The following PLAGL1 variants were observed in gnomAD, a reference collection of about 807,000 sequenced individuals.
The protein encoded by PLAGL1 is PLAG1 like zinc finger 1, also known as zinc finger protein PLAGL1.
In PLAGL1, 1 loss-of-function variant was observed where a neutral mutation model predicts 4.6. The ratio of observed to expected loss-of-function variants is 0.22; its 90% CI spans 0.08 to 1.03. The LOEUF (loss-of-function observed/expected upper bound fraction) is 1.03. PLAGL1 is among the 50% of genes least tolerant of loss of function. The probability of loss-of-function intolerance (pLI) is 0.58; values close to 1 mark genes in which losing one functional copy is unlikely to be tolerated. For synonymous variants in PLAGL1, 240 were observed against 237.8 expected, an observed-to-expected ratio of 1.01 and a Z score of -0.08; for missense variants, 464 against 570.4, an observed-to-expected ratio of 0.81 and a Z score of 1.90.
chr6:143,944,086 G>A (rs560414016), intron 7 of PLAGL1, among the ~76,000 whole-genome samples: 30 of 152,234 alleles, frequency 2.0e-4, no homozygotes, highest in South Asian at 6.2e-4. Context: ...GTTTTGTCAC[G>A]AGAGGTTAAA....
intron 1 of PLAGL1, among the ~76,000 whole-genome samples, chr6:144,045,175 C>A (rs942391905): frequency 2.6e-5 from 4 of 151,876 alleles, no homozygotes; most frequent in African/African-American, 9.7e-5. Flanking sequence ...GGAATTTAGC[C>A]CATTTACATT....
At position 143,966,037 on chromosome 6, in the gene PLAGL1, A is replaced by G. The variant is rs1429188245; in HGVS notation, c.-431+121T>C. On this transcript the variant is annotated intron_variant, in intron 4 of 7. Transcript: ENST00000674357. The surrounding 1 kb of genome is among the most constrained non-coding windows in gnomAD (Gnocchi z 6.0). ...GGTCAGTGTAGAGAGATATTTCCGC[A>G]TGCTAGAGGCAGATCCATATTGGTT... The G allele has an allele frequency of 6.6e-6, 1 of 152,212 alleles. No homozygotes were observed. Among genetic ancestry groups the G allele is most frequent in the African/African-American group, 2.4e-5 (1 of 41,442 alleles). 9.4% of individuals were successfully genotyped at this position (152,212 alleles called of 1,614,324 possible). A position where few individuals can be genotyped will look rare whatever the true frequency, so the allele number is the denominator to read the frequency against.
chr6:143,991,691 C>T (rs1199953040), intron 1 of PLAGL1, among the ~76,000 whole-genome samples: 2 of 152,220 alleles, frequency 1.3e-5, no homozygotes, highest in Non-Finnish European at 2.9e-5. Context: ...CCCAGGCCTA[C>T]ACTCCCTCTC....
At position 143,942,135 on chromosome 6, in the gene PLAGL1, G is replaced by A; in HGVS notation, c.681C>T (p.Thr227=). 1 of 1,614,160 alleles carries A rather than the reference G, an allele frequency of 6.2e-7. No individual in the cohort carries two copies. The highest frequency in any genetic ancestry group is 8.5e-7 in the Non-Finnish European group (1 of 1,180,010). The change falls in exon 8 of 8, where the codon ACC becomes ACT. Residue 227 remains threonine (T), a synonymous_variant. Coordinates refer to ENST00000674357, the MANE Select transcript of PLAGL1 (RefSeq NM_001317162.2). This position sits in a 1 kb window ranked among gnomAD's most constrained non-coding sequence, Gnocchi z 7.6. ...QTGDLLSTFH[T]ISPSFQLKAA... is the part of the protein sequence containing the mutation. The stretch of plus-strand genomic sequence containing the variant: ...CCTTCAGTTGGAATGAAGGCGAGAT[G>A]GTGTGGAAGGTGCTCAGAAGGTCTC...
chr6:143,941,687 A>G lies in PLAGL1; in HGVS notation c.1129T>C (p.Ser377Pro). Residue 377 changes from serine (S) to proline (P), a missense_variant, in exon 8 of 8, where the codon TCT (serine) becomes CCT (proline). This residue lies in a region of PLAGL1 where 248 missense variants were observed against 250.1 expected (regional missense o/e 0.99). Transcript: ENST00000674357. The surrounding 1 kb of genome is among the most constrained non-coding windows in gnomAD (Gnocchi z 6.0). ...CCCAACAGGGGGGACAGGTCCAGAG[A>G]GGCAGGTATTGTTAGGTTCACAGCA... is the stretch of plus-strand genomic sequence containing the variant. ...ADAVNLTIPA[S>P]LDLSPLLGFW... 6.2e-7 allele frequency: 1 copy of G among 1,614,220 alleles called. No individual in the cohort carries two copies. Among genetic ancestry groups the G allele is most frequent in the Non-Finnish European group, 8.5e-7 (1 of 1,180,032 alleles).
At position 144,002,064 on chromosome 6, in the gene PLAGL1, T is replaced by A. The variant is rs117000910; in HGVS notation, c.-584+6026A>T. 2.0e-3 allele frequency among the ~76,000 whole-genome samples: 298 copies of A among 152,306 alleles called. 4 individuals carry two copies. The highest frequency in any genetic ancestry group is 0.015 in the East Asian group (76 of 5,190). On this transcript the variant is annotated intron_variant, in intron 1 of 7. Transcript: ENST00000674357. ...GTGTATAGTTTCATTAATACTATTG[T>A]GCCAATGTTAATTTCTTAACTTTGG...
Position 143,982,414 on chromosome 6 carries a change from A to G in PLAGL1, c.-544+2721T>C, listed in dbSNP as rs1429145470. 6.6e-6 allele frequency among the ~76,000 whole-genome samples: 1 copy of G among 152,186 alleles called. No homozygotes were observed. Among genetic ancestry groups the G allele is most frequent in the African/African-American group, 2.4e-5 (1 of 41,456 alleles). ...GGGAAGCGGTAAAAGATTAGGCCAGAAGTAATGGGACCCATAGCACATAGG... is the reference window on the plus strand; with the variant it reads ...GGGAAGCGGTAAAAGATTAGGCCAGGAGTAATGGGACCCATAGCACATAGG... On this transcript the variant is annotated intron_variant, in intron 2 of 7. Coordinates refer to ENST00000674357, the MANE Select transcript of PLAGL1 (RefSeq NM_001317162.2). This position sits in a 1 kb window ranked among gnomAD's most constrained non-coding sequence, Gnocchi z 5.3.
rs1346451322 is a variant in PLAGL1, at chr6:143,957,058, G to A, written c.-325+3411C>T. Among the ~76,000 whole-genome samples, 2 of 152,206 alleles carry A rather than the reference G, an allele frequency of 1.3e-5. No homozygotes were observed. Among genetic ancestry groups the A allele is most frequent in the Non-Finnish European group, 1.5e-5 (1 of 68,036 alleles). On this transcript the variant is annotated intron_variant, in intron 6 of 7. Transcript: ENST00000674357. This position sits in a 1 kb window ranked among gnomAD's most constrained non-coding sequence, Gnocchi z 4.2. ...CAGTATAGTACCCACCAGGGGGAAC[G>A]GAGGAAAAGAAATATTGTTGCAGAC...
chr6:143,983,427 T>C lies in PLAGL1; in HGVS notation c.-544+1708A>G, dbSNP rs562731128. Among the ~76,000 whole-genome samples, 45 of 152,238 alleles carry C rather than the reference T, an allele frequency of 3.0e-4. No individual in the cohort carries two copies. In the South Asian group the frequency reaches 9.3e-3, roughly 32 times the overall value. On this transcript the variant is annotated intron_variant, in intron 2 of 7. Coordinates refer to ENST00000674357, the MANE Select transcript of PLAGL1 (RefSeq NM_001317162.2). This position sits in a 1 kb window ranked among gnomAD's most constrained non-coding sequence, Gnocchi z 6.6. ...AAAGCAGGGAGGTGGGAATGCATGA[T>C]GCAGGAGAGAGAAGGGACAACTACT...
At position 143,983,095 on chromosome 6, in the gene PLAGL1, T is replaced by A. The variant is rs11155338; in HGVS notation, c.-544+2040A>T. Among the ~76,000 whole-genome samples, 80,488 of 151,962 alleles carry A rather than the reference T, an allele frequency of 0.53. 22,931 individuals are homozygous for A. The highest frequency in any genetic ancestry group is 0.72 in the East Asian group (3,733 of 5,170). ...TTTGGAGGTCAGGACAATGAGGATG[T>A]AACTGCAAGAAAGATAAGAGTAGTC... On this transcript the variant is annotated intron_variant, in intron 2 of 7. Coordinates refer to ENST00000674357, the MANE Select transcript of PLAGL1 (RefSeq NM_001317162.2). This position sits in a 1 kb window ranked among gnomAD's most constrained non-coding sequence, Gnocchi z 6.6.
rs1289454639 is a variant in PLAGL1 at position 143,954,658 on chromosome 6, TTCA to T, written c.-325+5808_-325+5810del. ...AACTAACAAAACAGAGTATACTATC[TTCA>T]TCACATGACAAAGTTACCTATTATC... is the stretch of plus-strand genomic sequence containing the variant. On this transcript the variant is annotated intron_variant, in intron 6 of 7. Coordinates refer to ENST00000674357, the MANE Select transcript of PLAGL1 (RefSeq NM_001317162.2). The surrounding 1 kb of genome is among the most constrained non-coding windows in gnomAD (Gnocchi z 5.1). Among the ~76,000 whole-genome samples, 1 of 152,230 alleles carries T rather than the reference TTCA, an allele frequency of 6.6e-6. No homozygotes were observed. Among genetic ancestry groups the T allele is most frequent in the Non-Finnish European group, 1.5e-5 (1 of 68,042 alleles).
intron 1 of PLAGL1, among the ~76,000 whole-genome samples, chr6:144,014,408 G>A (rs1037494281): frequency 1.3e-5 from 2 of 151,850 alleles, no homozygotes; most frequent in Admixed American, 1.3e-4. Context: ...CAGCCTAGGC[G>A]ACAGAGCAAG....
At chr6:143,974,452 G>T (rs1278499403) in intron 2 of PLAGL1, among the ~76,000 whole-genome samples, 1 of 151,780 alleles carries the variant, frequency 6.6e-6, no homozygotes, top group African/African-American at 2.4e-5. Context: ...ACTCACCTTG[G>T]ACTGTCAAAG....
chr6:143,959,340 G>A lies in PLAGL1; in HGVS notation c.-325+1129C>T, dbSNP rs985749784. 2.0e-5 allele frequency among the ~76,000 whole-genome samples: 3 copies of A among 152,094 alleles called. No homozygotes were observed. Among genetic ancestry groups the A allele is most frequent in the African/African-American group, 7.2e-5 (3 of 41,404 alleles). On this transcript the variant is annotated intron_variant, in intron 6 of 7. Transcript: ENST00000674357. The surrounding 1 kb of genome is among the most constrained non-coding windows in gnomAD (Gnocchi z 5.3). ...GGACTCGCCACTGAATACTTCGGCA[G>A]ACACATTCCAGGATCTTCCTGGCTA... is the stretch of plus-strand genomic sequence containing the variant.
rs544025687 is a variant in PLAGL1, at chr6:143,947,312, C to T, written c.152+673G>A. On this transcript the variant is annotated intron_variant, in intron 7 of 7. Transcript: ENST00000674357. This position sits in a 1 kb window ranked among gnomAD's most constrained non-coding sequence, Gnocchi z 4.3. ...CTGGATCAGCCCCCACATTTCATCC[C>T]TGGACTCTGAGAGCAGGTTTCAAAT... is the stretch of plus-strand genomic sequence containing the variant. 5.9e-5 allele frequency among the ~76,000 whole-genome samples: 9 copies of T among 152,342 alleles called. 1 individual carries two copies. In the South Asian group the frequency reaches 1.7e-3, roughly 28 times the overall value.
At chr6:143,998,365 G>A (rs1272052903) in intron 1 of PLAGL1, among the ~76,000 whole-genome samples, 1 of 152,176 alleles carries the variant, frequency 6.6e-6, no homozygotes, top group African/African-American at 2.4e-5. Flanking sequence ...GGGCAGTATG[G>A]CATAGAAGAA....
rs1782610499 is a variant in PLAGL1 at position 143,958,348 on chromosome 6, T to C, written c.-325+2121A>G. Among the ~76,000 whole-genome samples the C allele has an allele frequency of 6.6e-6, 1 of 152,200 alleles. No homozygotes were observed. Among genetic ancestry groups the C allele is most frequent in the Non-Finnish European group, 1.5e-5 (1 of 68,038 alleles). ...GAGATGAACCCAAGACCAAATCGGATTACCCTAGACACAAATTTGATGGGC... is the reference window on the plus strand; with the variant it reads ...GAGATGAACCCAAGACCAAATCGGACTACCCTAGACACAAATTTGATGGGC... On this transcript the variant is annotated intron_variant, in intron 6 of 7. Transcript: ENST00000674357. This position sits in a 1 kb window ranked among gnomAD's most constrained non-coding sequence, Gnocchi z 5.1.
intron 1 of PLAGL1, among the ~76,000 whole-genome samples, chr6:144,014,577 TTTTGTTTG>T (rs201267958): frequency 2.6e-5 from 4 of 151,488 alleles, no homozygotes; most frequent in African/African-American, 7.3e-5. Flanking sequence ...ATCTATTGGG[TTTTGTTTG>T]TTTGTTTGTT....
Position 144,039,499 on chromosome 6 carries a change from T to C in PLAGL1, c.-151+24969A>G, listed in dbSNP as rs1797551739. ...TACTCAAGAGGCTGAGACACGAGAA[T>C]TGCTTGAACCTGGGAGGTGGAGGTT... On this transcript the variant is annotated intron_variant, in intron 1 of 3. Transcript: ENST00000437412. The surrounding 1 kb of genome is among the most constrained non-coding windows in gnomAD (Gnocchi z 4.1). Among the ~76,000 whole-genome samples the C allele has an allele frequency of 6.6e-6, 1 of 152,154 alleles. No individual in the cohort carries two copies. The highest frequency in any genetic ancestry group is 2.4e-5 in the African/African-American group (1 of 41,434).
Sources: gnomAD v4.1 joint callset for allele counts (sites outside exome capture counted in the v4.1 genomes callset) on GRCh38, gnomAD v4.1.1 for gene constraint, gnomAD v4.1.1 regional missense constraint, Gnocchi (gnomAD v3.1) non-coding constraint, MANE v1.5 for transcripts, NCBI Gene and HGNC (gene_info 2026-07-23, HGNC 2026-07-21) for gene names.